TVP23A: variants seen among roughly 807,000 people sequenced by gnomAD.
TVP23A encodes the protein trans-golgi network vesicle protein 23 homolog A, also known as Golgi apparatus membrane protein TVP23 homolog A.
In TVP23A, 21 loss-of-function variants were observed where a neutral mutation model predicts 31.7. The observed-to-expected ratio is 0.66, with a 90% confidence interval of 0.47 to 0.95. TVP23A has a LOEUF of 0.95. TVP23A is among the 40% of genes least tolerant of loss of function. TVP23A has a pLI of 0.00. For missense variants in TVP23A, 279 were observed against 255.6 expected (o/e 1.09, Z -0.62); for synonymous variants, 104 against 96.0 (o/e 1.08, Z -0.49).
At chr16:10,809,941 T>C (rs116783255) in intron 2 of TVP23A, among the ~76,000 whole-genome samples, 203 of 152,260 alleles carry the variant, frequency 1.3e-3, no homozygotes, top group African/African-American at 4.8e-3. Context: ...TAAACATTCA[T>C]AGCAACATTA....
intron 5 of TVP23A, among the ~76,000 whole-genome samples, chr16:10,772,608 G>A (rs2031710835): frequency 6.6e-6 from 1 of 151,974 alleles, no homozygotes; most frequent in Non-Finnish European, 1.5e-5. Context: ...GACCTCAGGT[G>A]ATTCACCTGC....
rs982830829 is a variant in TVP23A at position 10,777,985 on chromosome 16, T to C, written c.90-2889A>G. On this transcript the variant is annotated intron_variant, in intron 2 of 7. Transcript: ENST00000299866. This position sits in a 1 kb window ranked among gnomAD's most constrained non-coding sequence, Gnocchi z 4.5. The stretch of plus-strand genomic sequence containing the variant: ...GAGATCGTACTACTGCACTCCAGCC[T>C]GGTGACAGAGCGAGACTCCGTCTCA... Among the ~76,000 whole-genome samples, 1 of 151,532 alleles carries C rather than the reference T, an allele frequency of 6.6e-6. No individual in the cohort carries two copies. Among genetic ancestry groups the C allele is most frequent in the Non-Finnish European group, 1.5e-5 (1 of 67,968 alleles).
intron 2 of TVP23A, among the ~76,000 whole-genome samples, chr16:10,815,747 G>A (rs2034409119): frequency 6.6e-6 from 1 of 152,166 alleles, no homozygotes; most frequent in African/African-American, 2.4e-5. Context: ...CATTTCCCCA[G>A]CCACTAGCCC....
chr16:10,810,083 A>T (rs113987195), intron 2 of TVP23A, among the ~76,000 whole-genome samples: 2 of 152,218 alleles, frequency 1.3e-5, no homozygotes, highest in African/African-American at 2.4e-5. Flanking sequence ...TAAACACCTA[A>T]ACCGGGATGA....
chr16:10,801,438 A>C (rs1262548709), intron 2 of TVP23A, among the ~76,000 whole-genome samples: 1 of 152,166 alleles, frequency 6.6e-6, no homozygotes, highest in Non-Finnish European at 1.5e-5. Context: ...AGAATAACTA[A>C]ATGCAATGGA....
chr16:10,770,153 G>C, intron 7 of TVP23A, 119 bp downstream of exon 7: 1 of 1,270,728 alleles, frequency 7.9e-7, no homozygotes, highest in Non-Finnish European at 1.1e-6. Flanking sequence ...CTGGTCACAT[G>C]CCTGGCCACC....
chr16:10,792,826 A>G (rs1311802326), intron 2 of TVP23A, among the ~76,000 whole-genome samples: 1 of 152,230 alleles, frequency 6.6e-6, no homozygotes, highest in African/African-American at 2.4e-5. Flanking sequence ...CCGGGAGGTC[A>G]GGGTTTGGGA....
intron 2 of TVP23A, among the ~76,000 whole-genome samples, chr16:10,796,211 G>T (rs578088139): frequency 6.6e-6 from 1 of 151,860 alleles, no homozygotes; most frequent in South Asian, 2.1e-4. Flanking sequence ...AAAGTAGCCA[G>T]GCGTGATGGT....
intron 2 of TVP23A, among the ~76,000 whole-genome samples, chr16:10,796,086 G>T (rs1288684598): frequency 1.3e-5 from 2 of 152,172 alleles, no homozygotes; most frequent in African/African-American, 4.8e-5. Context: ...GGTGGCTCAT[G>T]CCTGTAATCT....
chr16:10,761,580 G>T, intron 8 of TVP23A: 1 of 1,101,758 alleles, frequency 9.1e-7, no homozygotes, highest in South Asian at 1.5e-5. Context: ...TGTCATTTTG[G>T]GAAGTGGAAT....
downstream of TVP23A, chr16:10,762,161 G>A (rs59406415): frequency 1.7e-4 from 44 of 253,684 alleles, no homozygotes; most frequent in African/African-American, 9.7e-4. Context: ...CGATAGAGGG[G>A]CGGCTCCAGG....
chr16:10,818,053 T>G lies in TVP23A; in HGVS notation c.89+50A>C. ...TTGAATGAATGAGTGAGTAAATGAA[T>G]GAATTTGCAGCTTTGGGGAACGCCT... On this transcript the variant is annotated intron_variant, in intron 2 of 7. Coordinates refer to ENST00000299866, the MANE Select transcript of TVP23A (RefSeq NM_001079512.4). The surrounding 1 kb of genome is among the most constrained non-coding windows in gnomAD (Gnocchi z 4.7). 6.8e-7 allele frequency: 1 copy of G among 1,468,894 alleles called. No individual in the cohort carries two copies. The highest frequency in any genetic ancestry group is 9.4e-7 in the Non-Finnish European group (1 of 1,064,484). 91.0% of individuals were successfully genotyped at this position (1,468,894 alleles called of 1,614,324 possible).
chr16:10,758,093 C>G (rs939604465), downstream of TVP23A: 10 of 1,562,936 alleles, frequency 6.4e-6, no homozygotes, highest in African/African-American at 4.1e-5. Flanking sequence ...TCTTTCCTAC[C>G]TGGCTCTGAT....
At chr16:10,801,720 G>C (rs2033702448) in intron 2 of TVP23A, among the ~76,000 whole-genome samples, 1 of 152,110 alleles carries the variant, frequency 6.6e-6, no homozygotes, top group Non-Finnish European at 1.5e-5. Flanking sequence ...CCTCCCAAAA[G>C]ATTACAGGCA....
intron 2 of TVP23A, chr16:10,808,553 T>C (rs1032103609): frequency 8.8e-6 from 4 of 454,968 alleles, no homozygotes; most frequent in African/African-American, 8.0e-5. Flanking sequence ...TCCCAGCACT[T>C]TGGGAGGCCA....
downstream of TVP23A, among the ~76,000 whole-genome samples, chr16:10,765,552 TG>T (rs1168704602): frequency 6.6e-6 from 1 of 152,006 alleles, no homozygotes; most frequent in Non-Finnish European, 1.5e-5. The surrounding 1 kb of genome is among the most constrained non-coding windows in gnomAD (Gnocchi z 4.0). Context: ...CACCCAAATA[TG>T]TCCACGGGCC....
At chr16:10,780,094 AAT>A (rs1262479727) in intron 2 of TVP23A, among the ~76,000 whole-genome samples, 572 of 18,424 alleles carry the variant, frequency 0.031, 2 homozygotes, top group African/African-American at 0.074. Flanking sequence ...TCTCAAAATG[AAT>A]GAATGAATGA....
chr16:10,763,961 C>G, downstream of TVP23A: 1 of 192,378 alleles, frequency 5.2e-6, no homozygotes, highest in South Asian at 6.7e-5. Flanking sequence ...TCTCAGCCCA[C>G]AGGAGTATCT....
downstream of TVP23A, among the ~76,000 whole-genome samples, chr16:10,762,587 G>C (rs376327383): frequency 6.6e-6 from 1 of 152,226 alleles, no homozygotes; most frequent in East Asian, 1.9e-4. Context: ...CCCTTTAGTG[G>C]GGCTCCTGCG....
Sources: gnomAD v4.1 joint callset for allele counts (sites outside exome capture counted in the v4.1 genomes callset) on GRCh38, gnomAD v4.1.1 for gene constraint, Gnocchi (gnomAD v3.1) non-coding constraint, MANE v1.5 for transcripts, NCBI Gene and HGNC (gene_info 2026-07-23, HGNC 2026-07-21) for gene names.